The following CFAP61 variants were observed in gnomAD, a reference collection of about 807,000 sequenced individuals.
CFAP61 encodes cilia- and flagella-associated protein 61.
In CFAP61, 107 loss-of-function variants were observed where a neutral mutation model predicts 135.6. That is an observed-to-expected ratio of 0.79 (90% CI 0.67 to 0.93). The LOEUF is 0.93. Ranked by LOEUF, CFAP61 falls within the 40% of genes least tolerant of loss-of-function variation. The probability of loss-of-function intolerance (pLI) is 0.00; values close to 1 mark genes in which losing one functional copy is unlikely to be tolerated. For missense variants in CFAP61, 1,507 were observed against 1,556.2 expected (o/e 0.97, Z 0.53); for synonymous variants, 575 against 578.5 (o/e 0.99, Z 0.09).
chr20:20,137,122 C>A (rs572395702), intron 8 of CFAP61, among the ~76,000 whole-genome samples: 1 of 152,320 alleles, frequency 6.6e-6, no homozygotes, highest in Non-Finnish European at 1.5e-5. Flanking sequence ...GTCTCTCTCT[C>A]TGTGTTGAGC....
At chr20:20,306,181 C>T (rs2056463064) in intron 25 of CFAP61, among the ~76,000 whole-genome samples, 1 of 152,140 alleles carries the variant, frequency 6.6e-6, no homozygotes, top group Non-Finnish European at 1.5e-5. Context: ...AAATTACAGC[C>T]AGCACATGTC....
chr20:20,174,848 G>A (rs74392051), intron 13 of CFAP61, among the ~76,000 whole-genome samples: 326 of 152,318 alleles, frequency 2.1e-3, no homozygotes, highest in African/African-American at 7.5e-3. Context: ...GAGTGGGAGT[G>A]ACCTTAAAGA....
intron 6 of CFAP61, among the ~76,000 whole-genome samples, chr20:20,087,719 C>T (rs1056243613): frequency 1.1e-4 from 17 of 152,102 alleles, no homozygotes; most frequent in Non-Finnish European, 1.5e-4. Flanking sequence ...TGCACATAAC[C>T]CTTTTTTAAC....
At chr20:20,132,187 GC>G (rs2050585204) in intron 8 of CFAP61, among the ~76,000 whole-genome samples, 1 of 151,918 alleles carries the variant, frequency 6.6e-6, no homozygotes, top group Non-Finnish European at 1.5e-5. Context: ...TTTGTTCTGT[GC>G]CTGGCTTATT....
intron 6 of CFAP61, among the ~76,000 whole-genome samples, chr20:20,083,741 A>G (rs535993699): frequency 1.3e-5 from 2 of 152,324 alleles, no homozygotes; most frequent in South Asian, 4.1e-4. Context: ...CTTCATGAAT[A>G]AGACTGGTAA....
chr20:20,142,900 C>T lies in CFAP61; in HGVS notation c.903C>T (p.Val301=), dbSNP rs150134718. ...RSSSQGSQKI[V]EELQEPVSPD... is the part of the protein sequence containing the mutation. The stretch of plus-strand genomic sequence containing the variant: ...GCAGCCAAGGTTCCCAAAAAATAGT[C>T]GAGGAGTTGCAGGAACCTGTCTCTC... The change falls in exon 9 of 27, where the codon GTC becomes GTT. Residue 301 remains valine (V), a synonymous_variant. Transcript: ENST00000245957. 44 of 1,604,282 alleles carry T rather than the reference C, an allele frequency of 2.7e-5. No individual in the cohort carries two copies. Among genetic ancestry groups the T allele is most frequent in the South Asian group, 3.4e-5 (3 of 88,906 alleles).
intron 8 of CFAP61, among the ~76,000 whole-genome samples, chr20:20,133,292 T>G (rs1483091117): frequency 6.6e-6 from 1 of 152,238 alleles, no homozygotes; most frequent in East Asian, 1.9e-4. Context: ...GCAGCTCTGC[T>G]GATCTTGGCT....
chr20:20,183,153 CTTTTCTTTTTTT>C (rs916084260), intron 13 of CFAP61, among the ~76,000 whole-genome samples: 7 of 41,824 alleles, frequency 1.7e-4, no homozygotes, highest in African/African-American at 6.1e-4. Flanking sequence ...TTTTTCTTTT[CTTTTCTTTTTTT>C]TTTTTTTTAG....
intron 24 of CFAP61, among the ~76,000 whole-genome samples, chr20:20,292,116 T>G (rs1011188610): frequency 4.6e-5 from 7 of 152,192 alleles, no homozygotes; most frequent in African/African-American, 1.4e-4. Flanking sequence ...TCAGGAAATC[T>G]CAATCCTATT....
chr20:20,074,062 C>T, intron 3 of CFAP61: 1 of 537,862 alleles, frequency 1.9e-6, no homozygotes, highest in South Asian at 2.2e-5. Flanking sequence ...GTGCTCTGGA[C>T]TCATTTACAG....
intron 13 of CFAP61, among the ~76,000 whole-genome samples, chr20:20,173,369 TGGCTGAGC>T (rs1196883287): frequency 6.6e-6 from 1 of 152,172 alleles, no homozygotes; most frequent in Non-Finnish European, 1.5e-5. Context: ...TCTGACAGAG[TGGCTGAGC>T]CATTTTGCAT....
chr20:20,139,919 G>C (rs1326462651), intron 8 of CFAP61, among the ~76,000 whole-genome samples: 1 of 152,088 alleles, frequency 6.6e-6, no homozygotes, highest in Non-Finnish European at 1.5e-5. Flanking sequence ...ACTTTTAGTT[G>C]CATTTTTTGT....
chr20:20,105,686 C>CA (rs1173407054), intron 8 of CFAP61, among the ~76,000 whole-genome samples: 2 of 151,930 alleles, frequency 1.3e-5, no homozygotes, highest in African/African-American at 4.8e-5. Flanking sequence ...GGCTGGAGTG[C>CA]AGTGGTGCAA....
chr20:20,340,814 C>T (rs769842454), intron 25 of CFAP61, among the ~76,000 whole-genome samples: 8 of 152,078 alleles, frequency 5.3e-5, no homozygotes, highest in African/African-American at 9.7e-5. Flanking sequence ...AACAGCAACG[C>T]GGGCAAGTCA....
intron 9 of CFAP61, among the ~76,000 whole-genome samples, chr20:20,152,537 A>G (rs1032018635): frequency 6.6e-6 from 1 of 152,196 alleles, no homozygotes; most frequent in Non-Finnish European, 1.5e-5. Context: ...AAGTTATTTC[A>G]TGCAAATGGA....
At chr20:20,081,443 A>G (rs2046422828) in intron 6 of CFAP61, among the ~76,000 whole-genome samples, 1 of 152,234 alleles carries the variant, frequency 6.6e-6, no homozygotes, top group Admixed American at 6.5e-5. Context: ...AATGACATGT[A>G]TAGAAGCAGC....
rs568965233 is a variant in CFAP61 at position 20,103,660 on chromosome 20, T to C, written c.859+4846T>C. Among the ~76,000 whole-genome samples the C allele has an allele frequency of 2.0e-5, 3 of 152,366 alleles. No individual in the cohort carries two copies. The South Asian group carries it at 6.2e-4, about 32-fold the overall frequency. On this transcript the variant is annotated intron_variant, in intron 8 of 26. Transcript: ENST00000245957. ...AAGATGTTCCATATGCCTGGCACTT[T>C]ATGAATATTTTCCTTCAGTGACAAT...
At chr20:20,085,568 G>A in intron 6 of CFAP61, 5 of 1,344,384 alleles carry the variant, frequency 3.7e-6, no homozygotes, top group South Asian at 1.1e-5. Flanking sequence ...TTAACGGGCT[G>A]CTGAGGTTCA....
chr20:20,126,193 C>T (rs965289229), intron 8 of CFAP61, among the ~76,000 whole-genome samples: 2 of 151,740 alleles, frequency 1.3e-5, no homozygotes, highest in Non-Finnish European at 2.9e-5. Context: ...AACATTTAGG[C>T]CATTTACATT....
Sources: gnomAD v4.1 joint callset for allele counts (sites outside exome capture counted in the v4.1 genomes callset) on GRCh38, gnomAD v4.1.1 for gene constraint, MANE v1.5 for transcripts, NCBI Gene and HGNC (gene_info 2026-07-23, HGNC 2026-07-21) for gene names.